Variants in RBMS3 observed in about 807,000 individuals in gnomAD.
RBMS3 encodes RNA binding motif single stranded interacting protein 3, also known as RNA-binding motif, single-stranded-interacting protein 3.
RBMS3 carries 27 observed loss-of-function variants against 66.8 expected under a neutral mutation model. The observed-to-expected ratio is 0.40, with a 90% confidence interval of 0.30 to 0.56. The LOEUF (loss-of-function observed/expected upper bound fraction) is 0.56, where lower values mean the gene tolerates loss of function less well. Among genes scored for constraint, RBMS3 ranks in the 20% least tolerant of loss-of-function variants. RBMS3 has a pLI of 0.40. For synonymous variants in RBMS3, 188 were observed against 183.0 expected, an observed-to-expected ratio of 1.03 and a Z score of -0.22; for missense variants, 513 against 549.5, an observed-to-expected ratio of 0.93 and a Z score of 0.66.
chr3:29,745,143 T>A (rs933147703), intron 5 of RBMS3, among the ~76,000 whole-genome samples: 5 of 152,232 alleles, frequency 3.3e-5, no homozygotes, highest in African/African-American at 7.2e-5. Flanking sequence ...TTGATTTGAA[T>A]GCCAGTGGGG....
intron 6 of RBMS3, among the ~76,000 whole-genome samples, chr3:29,834,440 A>G (rs2058452385): frequency 1.3e-5 from 2 of 152,088 alleles, no homozygotes; most frequent in South Asian, 4.1e-4. Flanking sequence ...CGTAACAATA[A>G]AAACTTAAAA....
intron 3 of RBMS3, among the ~76,000 whole-genome samples, chr3:29,490,101 A>C (rs1222074965): frequency 6.6e-6 from 1 of 150,714 alleles, no homozygotes; most frequent in Non-Finnish European, 1.5e-5. Flanking sequence ...AGGGGTTAAA[A>C]TTGTGTAGGT....
intron 2 of RBMS3, among the ~76,000 whole-genome samples, chr3:29,481,296 A>G (rs903981619): frequency 1.3e-5 from 2 of 152,326 alleles, no homozygotes; most frequent in South Asian, 4.1e-4. Context: ...AGAGACCTTT[A>G]AAACCTCCAA....
intron 1 of RBMS3, among the ~76,000 whole-genome samples, chr3:29,287,089 T>C (rs377495369): frequency 2.0e-5 from 3 of 152,138 alleles, no homozygotes; most frequent in East Asian, 3.9e-4. Flanking sequence ...AATGTATTCA[T>C]GTGGTGTAAT....
rs892210857 is a variant in RBMS3 at position 29,804,841 on chromosome 3, C to A, written c.637+41852C>A. ...TTTTTCTGATGTATAAATAAAGATA[C>A]TAGTTGCTTTAAACGGTTTAATCAA... On this transcript the variant is annotated intron_variant, in intron 6 of 14. Coordinates refer to ENST00000383767, the MANE Select transcript of RBMS3 (RefSeq NM_001003793.3). Among the ~76,000 whole-genome samples, 8 of 151,876 alleles carry A rather than the reference C, an allele frequency of 5.3e-5. No individual in the cohort carries two copies. The East Asian group carries it at 1.5e-3, about 29-fold the overall frequency.
At chr3:29,626,232 G>C (rs980643357) in intron 4 of RBMS3, among the ~76,000 whole-genome samples, 1 of 152,114 alleles carries the variant, frequency 6.6e-6, no homozygotes, top group Admixed American at 6.5e-5. Flanking sequence ...CTGCGTTTGG[G>C]AGTCATTAGT....
In RBMS3 at chr3:29,862,400, C is replaced by A. The variant is rs375998215; in HGVS notation, c.638-6458C>A. 5.3e-5 allele frequency among the ~76,000 whole-genome samples: 8 copies of A among 152,156 alleles called. No individual in the cohort carries two copies. The East Asian group carries it at 9.6e-4, about 18-fold the overall frequency. On this transcript the variant is annotated intron_variant, in intron 6 of 14. Coordinates refer to ENST00000383767, the MANE Select transcript of RBMS3 (RefSeq NM_001003793.3). ...TGCACACACACATACACATTGCACA[C>A]ATACATACACACGGCAAACTTCACT...
At chr3:29,963,829 A>AG (rs1491274749) in intron 12 of RBMS3, among the ~76,000 whole-genome samples, 340 of 7,970 alleles carry the variant, frequency 0.043, 3 homozygotes, top group African/African-American at 0.067. Flanking sequence ...TGCCCCCTCC[A>AG]AAAAAAAAAA....
At chr3:29,526,613 T>C (rs1245833771) in intron 3 of RBMS3, among the ~76,000 whole-genome samples, 1 of 144,482 alleles carries the variant, frequency 6.9e-6, no homozygotes, top group African/African-American at 2.5e-5. Flanking sequence ...TCTAAGCAAT[T>C]CTGAGAGGGA....
rs541432909 is a variant in RBMS3, at chr3:29,302,509, C to T, written c.75+20753C>T. ...GGGAGAACACAGTGGATTGTCCCCA[C>T]AATCTTGGAAAAAAAATATATATGT... On this transcript the variant is annotated intron_variant, in intron 1 of 14. Transcript: ENST00000383767. Among the ~76,000 whole-genome samples, 7 of 151,802 alleles carry T rather than the reference C, an allele frequency of 4.6e-5. No homozygotes were observed. In the South Asian group the frequency reaches 1.0e-3, roughly 22 times the overall value.
intron 1 of RBMS3, among the ~76,000 whole-genome samples, chr3:29,394,797 T>C (rs1417503550): frequency 6.6e-6 from 1 of 152,096 alleles, no homozygotes; most frequent in African/African-American, 2.4e-5. Context: ...TTTGATTGCC[T>C]CTCCTGTTAC....
chr3:29,362,355 GA>G lies in RBMS3; in HGVS notation c.76-72386del, dbSNP rs1344564189. Among the ~76,000 whole-genome samples, 8 of 152,336 alleles carry G rather than the reference GA, an allele frequency of 5.3e-5. No homozygotes were observed. The East Asian group carries it at 1.5e-3, about 29-fold the overall frequency. ...CTGGGTATCAGCAGTGGAAGCTGCA[GA>G]ACAGCGAATATTGCTGAACAGCAAA... On this transcript the variant is annotated intron_variant, in intron 1 of 14. Coordinates refer to ENST00000383767, the MANE Select transcript of RBMS3 (RefSeq NM_001003793.3).
At chr3:29,602,090 C>A (rs2048164490) in intron 4 of RBMS3, among the ~76,000 whole-genome samples, 1 of 151,998 alleles carries the variant, frequency 6.6e-6, no homozygotes, top group African/African-American at 2.4e-5. Context: ...CTGTTTCATA[C>A]TCCTCTTGCT....
intron 5 of RBMS3, among the ~76,000 whole-genome samples, chr3:29,761,238 G>C (rs17616356): frequency 6.6e-6 from 1 of 151,832 alleles, no homozygotes; most frequent in Non-Finnish European, 1.5e-5. Flanking sequence ...CATATCCATC[G>C]ATACAGAAAG....
chr3:29,629,317 A>T lies in RBMS3; in HGVS notation c.399+42112A>T, dbSNP rs532511955. On this transcript the variant is annotated intron_variant, in intron 4 of 14. Transcript: ENST00000383767. ...CTATTTTAATGAGGGCAAATTATTT[A>T]ACTCTTCTGTGTCTCAGTTTCTTCA... Among the ~76,000 whole-genome samples the T allele has an allele frequency of 7.2e-5, 11 of 152,222 alleles. 1 individual carries two copies. In the East Asian group the frequency reaches 1.2e-3, roughly 16 times the overall value.
intron 3 of RBMS3, among the ~76,000 whole-genome samples, chr3:29,553,035 G>C (rs1365118862): frequency 6.6e-6 from 1 of 152,096 alleles, no homozygotes; most frequent in African/African-American, 2.4e-5. Flanking sequence ...ATAGTGAATA[G>C]TATCAGCCTC....
chr3:29,912,668 T>G lies in RBMS3; in HGVS notation c.939+12913T>G, dbSNP rs1197925041. 2.6e-5 allele frequency among the ~76,000 whole-genome samples: 4 copies of G among 152,208 alleles called. No homozygotes were observed. The East Asian group carries it at 5.8e-4, about 22-fold the overall frequency. The stretch of plus-strand genomic sequence containing the variant: ...CTCTCAATAAAAGCCAAGCACATGT[T>G]AACTTTCAATTTTCTGAAGAAATGT... On this transcript the variant is annotated intron_variant, in intron 10 of 14. Coordinates refer to ENST00000383767, the MANE Select transcript of RBMS3 (RefSeq NM_001003793.3).
At chr3:29,405,557 G>A (rs532527964) in intron 1 of RBMS3, among the ~76,000 whole-genome samples, 1 of 152,090 alleles carries the variant, frequency 6.6e-6, no homozygotes, top group African/African-American at 2.4e-5. Flanking sequence ...CCACATACGT[G>A]GCTGTAATGT....
chr3:29,451,182 A>G lies in RBMS3; in HGVS notation c.248+16267A>G, dbSNP rs115119587. Reference sequence around the variant, plus strand: ...AATTTCACTCCTAGGACAGAGGGAAAGAAATGCATTCCACAGAACCAACAC... The same window carrying G: ...AATTTCACTCCTAGGACAGAGGGAAGGAAATGCATTCCACAGAACCAACAC... On this transcript the variant is annotated intron_variant, in intron 2 of 14. Transcript: ENST00000383767. 7.2e-3 allele frequency among the ~76,000 whole-genome samples: 1,102 copies of G among 152,344 alleles called. 9 individuals are homozygous for G. The highest frequency in any genetic ancestry group is 0.025 in the African/African-American group (1,058 of 41,588).
Sources: gnomAD v4.1 joint callset for allele counts (sites outside exome capture counted in the v4.1 genomes callset) on GRCh38, gnomAD v4.1.1 for gene constraint, MANE v1.5 for transcripts, NCBI Gene and HGNC (gene_info 2026-07-23, HGNC 2026-07-21) for gene names.